The following TRPM3 variants were observed in gnomAD, a reference collection of about 807,000 sequenced individuals.
TRPM3 encodes long transient receptor potential channel 3.
TRPM3 carries 77 observed loss-of-function variants against 181.2 expected under a neutral mutation model. That is an observed-to-expected ratio of 0.42 (90% confidence interval 0.35 to 0.51). The LOEUF is 0.51. Among genes scored for constraint, TRPM3 ranks in the 20% least tolerant of loss-of-function variants. TRPM3 has a pLI of 0.01. For missense variants in TRPM3, 1,759 were observed against 2,196.7 expected, an observed-to-expected ratio of 0.80 and a Z score of 3.98; for synonymous variants, 745 against 796.4, an observed-to-expected ratio of 0.94 and a Z score of 1.09.
chr9:71,118,695 T>C (rs1339885763), intron 1 of TRPM3, among the ~76,000 whole-genome samples: 1 of 152,060 alleles, frequency 6.6e-6, no homozygotes, highest in Non-Finnish European at 1.5e-5. Flanking sequence ...ACCTGTTGAA[T>C]AGGAGAATTG....
At chr9:70,938,952 C>T (rs187701869) in intron 1 of TRPM3, among the ~76,000 whole-genome samples, 260 of 147,886 alleles carry the variant, frequency 1.8e-3, no homozygotes, top group African/African-American at 5.7e-3. Context: ...AGCGAGACTC[C>T]GTCTCAAAAA....
At chr9:70,791,911 C>T (rs930317370) in intron 6 of TRPM3, among the ~76,000 whole-genome samples, 3 of 152,142 alleles carry the variant, frequency 2.0e-5, no homozygotes, top group African/African-American at 7.2e-5. Flanking sequence ...TATTAATGCC[C>T]ATCGACTGGC....
chr9:71,267,850 C>G (rs551031332), intron 1 of TRPM3, among the ~76,000 whole-genome samples: 2 of 152,102 alleles, frequency 1.3e-5, no homozygotes, highest in Non-Finnish European at 2.9e-5. Flanking sequence ...ACAATCATCA[C>G]CTAAAACGAA....
chr9:71,001,878 T>A (rs116568388), intron 1 of TRPM3, among the ~76,000 whole-genome samples: 126 of 152,328 alleles, frequency 8.3e-4, no homozygotes, highest in African/African-American at 2.8e-3. Context: ...GTGAAAGATA[T>A]AGAGGCTACA....
rs531556055 is a variant in TRPM3 at position 70,865,056 on chromosome 9, G to C, written c.178-545C>G. Reference sequence around the variant, plus strand: ...TAAGTACAGGGGGGTTGGGGGGGGGGAGGAAAATAAAAGCATGAGGAAGAT... The same window carrying C: ...TAAGTACAGGGGGGTTGGGGGGGGGCAGGAAAATAAAAGCATGAGGAAGAT... On this transcript the variant is annotated intron_variant, in intron 1 of 25. Transcript: ENST00000677713. 2.7e-5 allele frequency among the ~76,000 whole-genome samples: 4 copies of C among 145,726 alleles called. No individual in the cohort carries two copies. The East Asian group carries it at 8.7e-4, about 32-fold the overall frequency.
At chr9:70,967,268 G>A (rs1458465295) in intron 1 of TRPM3, among the ~76,000 whole-genome samples, 1 of 152,064 alleles carries the variant, frequency 6.6e-6, no homozygotes, top group Non-Finnish European at 1.5e-5. Flanking sequence ...AGAAAGATCA[G>A]AGAACAGAGG....
intron 8 of TRPM3, among the ~76,000 whole-genome samples, chr9:70,749,318 T>C (rs777286741): frequency 1.3e-5 from 2 of 152,146 alleles, no homozygotes; most frequent in Non-Finnish European, 2.9e-5. Flanking sequence ...TGTAGGGAAG[T>C]AGGAAGTCCA....
At chr9:71,388,069 TAGTC>T (rs2092969431) in intron 1 of TRPM3, among the ~76,000 whole-genome samples, 1 of 152,178 alleles carries the variant, frequency 6.6e-6, no homozygotes, top group Admixed American at 6.6e-5. Context: ...AAAGACTTGT[TAGTC>T]AGGGATTTCT....
chr9:71,347,695 A>T (rs1465297004), intron 1 of TRPM3, among the ~76,000 whole-genome samples: 1 of 152,164 alleles, frequency 6.6e-6, no homozygotes, highest in Non-Finnish European at 1.5e-5. Flanking sequence ...GGATCGCTTG[A>T]GGCCAGGTGT....
At chr9:70,921,879 A>T (rs1212499127) in intron 1 of TRPM3, among the ~76,000 whole-genome samples, 1 of 150,688 alleles carries the variant, frequency 6.6e-6, no homozygotes, top group African/African-American at 2.4e-5. Flanking sequence ...GAAGAAGATA[A>T]TTTCCCAACG....
intron 3 of TRPM3, among the ~76,000 whole-genome samples, chr9:70,855,114 C>G (rs1488402015): frequency 6.6e-6 from 1 of 152,132 alleles, no homozygotes; most frequent in Non-Finnish European, 1.5e-5. Context: ...GCCTCTCTGA[C>G]TGCTTTATCA....
At chr9:70,596,928 T>C (rs1379238156) in intron 21 of TRPM3, among the ~76,000 whole-genome samples, 2 of 151,928 alleles carry the variant, frequency 1.3e-5, no homozygotes, top group Non-Finnish European at 2.9e-5. Flanking sequence ...ACACACCCTG[T>C]TAATTTTTCT....
At chr9:71,087,691 C>G (rs753227913) in intron 1 of TRPM3, among the ~76,000 whole-genome samples, 2 of 151,978 alleles carry the variant, frequency 1.3e-5, no homozygotes, top group Non-Finnish European at 1.5e-5. Context: ...AAGGAAGAAG[C>G]AGTACAAGTT....
intron 1 of TRPM3, among the ~76,000 whole-genome samples, chr9:71,268,901 T>G (rs985515045): frequency 6.6e-6 from 1 of 152,128 alleles, no homozygotes; most frequent in East Asian, 1.9e-4. Flanking sequence ...ATATTTGCAC[T>G]AAACTTTGAC....
At chr9:70,639,290 G>C in intron 10 of TRPM3, 96 bp from the exon 11 acceptor site, 1 of 1,384,314 alleles carries the variant, frequency 7.2e-7, no homozygotes, top group Non-Finnish European at 9.9e-7. Context: ...GGATGCCTTT[G>C]ACATCTGGTA....
chr9:71,316,210 A>T (rs2088574793), intron 1 of TRPM3, among the ~76,000 whole-genome samples: 1 of 152,150 alleles, frequency 6.6e-6, no homozygotes, highest in Admixed American at 6.6e-5. Context: ...TGTTATCCCA[A>T]CGTCTACTTT....
intron 1 of TRPM3, among the ~76,000 whole-genome samples, chr9:71,295,532 T>TATCTCTGGCCACATCC (rs1373112200): frequency 2.0e-5 from 3 of 151,578 alleles, no homozygotes; most frequent in African/African-American, 4.8e-5. Context: ...ATCTAAAGTC[T>TATCTCTGGCCACATCC]CTGAAATTTA....
At chr9:70,945,240 T>C (rs911976658) in intron 1 of TRPM3, among the ~76,000 whole-genome samples, 9 of 152,340 alleles carry the variant, frequency 5.9e-5, no homozygotes, top group African/African-American at 1.9e-4. Context: ...TCTCATCATC[T>C]TGTCTTATTA....
At chr9:71,011,032 A>G (rs1283109516) in intron 1 of TRPM3, among the ~76,000 whole-genome samples, 2 of 152,152 alleles carry the variant, frequency 1.3e-5, no homozygotes, top group Non-Finnish European at 2.9e-5. Flanking sequence ...TCTGTAGGAC[A>G]TTATTTTAAG....
Sources: allele counts gnomAD v4.1 joint callset (sites outside exome capture counted in the v4.1 genomes callset), GRCh38; gene constraint gnomAD v4.1.1; transcripts MANE v1.5; gene names NCBI Gene and HGNC (gene_info 2026-07-23, HGNC 2026-07-21).